ZMPSTE24: variants seen among roughly 807,000 people sequenced by gnomAD.
ZMPSTE24 encodes CAAX prenyl protease 1 homolog.
ZMPSTE24 carries 48 observed loss-of-function variants against 56.7 expected under a neutral mutation model. The ratio of observed to expected loss-of-function variants is 0.85; its 90% confidence interval spans 0.67 to 1.08. The LOEUF is 1.08. ZMPSTE24 is among the 50% of genes least tolerant of loss of function. The pLI, the probability that ZMPSTE24 is intolerant of heterozygous loss-of-function variation, is 0.00. For missense variants in ZMPSTE24, 503 were observed against 548.7 expected (o/e 0.92, Z 0.83); for synonymous variants, 172 against 195.2 (o/e 0.88, Z 0.99).
chr1:40,279,470 C>G (rs1557778892), intron 6 of ZMPSTE24, among the ~76,000 whole-genome samples: 1 of 152,094 alleles, frequency 6.6e-6, no homozygotes, highest in African/African-American at 2.4e-5. Context: ...AATACGTTTG[C>G]TTATTTCTGT....
intron 2 of ZMPSTE24, among the ~76,000 whole-genome samples, chr1:40,264,227 A>G (rs1202045411): frequency 6.6e-6 from 1 of 152,194 alleles, no homozygotes; most frequent in Non-Finnish European, 1.5e-5. Flanking sequence ...GCAGCTACTC[A>G]GGAGGCTGAG....
At position 40,275,294 on chromosome 1, in the gene ZMPSTE24, C is replaced by T. The variant is rs1477761793; in HGVS notation, c.769+3259C>T. ...AAAAAAAAAAAAAAAAAAAGCCGGG[C>T]GTGGTGGCGGGCGCCTGTAGTCCCA... On this transcript the variant is annotated intron_variant, in intron 6 of 9. Transcript: ENST00000372759. Among the ~76,000 whole-genome samples, 5 of 140,586 alleles carry T rather than the reference C, an allele frequency of 3.6e-5. No homozygotes were observed. The East Asian group carries it at 6.2e-4, about 17-fold the overall frequency. The allele number at this position is 140,586 out of a possible 152,430, so 92.2% of individuals were successfully genotyped here. A position where few individuals can be genotyped will look rare whatever the true frequency, so the allele number is the denominator to read the frequency against.
At chr1:40,261,075 G>T (rs1643492452) in intron 2 of ZMPSTE24, 90 bp downstream of exon 2, 1 of 1,487,656 alleles carries the variant, frequency 6.7e-7, no homozygotes, top group Admixed American at 1.7e-5. Context: ...ACACTTACAA[G>T]TCCCAGAATG....
chr1:40,264,633 C>T (rs952438813), intron 2 of ZMPSTE24, among the ~76,000 whole-genome samples: 5 of 151,772 alleles, frequency 3.3e-5, no homozygotes, highest in African/African-American at 1.2e-4. Flanking sequence ...CATAGCACTT[C>T]GAGAGGCTCA....
chr1:40,281,659 T>TAAA, intron 7 of ZMPSTE24, 132 bp downstream of exon 7: 1 of 929,638 alleles, frequency 1.1e-6, no homozygotes, highest in Non-Finnish European at 1.7e-6. Context: ...CCATGGCTCC[T>TAAA]TTATAGTTCT....
Position 40,292,637 on chromosome 1 carries a change from C to A in ZMPSTE24, c.1396C>A (p.Leu466Ile). 1 of 1,614,054 alleles carries A rather than the reference C, an allele frequency of 6.2e-7. No homozygotes were observed. The highest frequency in any genetic ancestry group is 1.6e-4 in the Middle Eastern group (1 of 6,062). The change falls in exon 10 of 10, where the codon CTT becomes ATT. Residue 466 changes from leucine to isoleucine, a missense_variant. By Grantham distance (5) the Leu-to-Ile change is conservative (BLOSUM62 2). Transcript: ENST00000372759. The part of the protein sequence containing the change: ...HYSHPPLLER[L>I]QALKTMKQH Reference sequence around the variant, plus strand: ...TTCTCATCCTCCACTGCTAGAGAGACTTCAAGCTTTGAAAACTATGAAGCA... The same window carrying A: ...TTCTCATCCTCCACTGCTAGAGAGAATTCAAGCTTTGAAAACTATGAAGCA...
intron 2 of ZMPSTE24, among the ~76,000 whole-genome samples, chr1:40,261,988 C>T (rs1335131287): frequency 6.6e-6 from 1 of 152,212 alleles, no homozygotes; most frequent in African/African-American, 2.4e-5. Context: ...GGATTACAGT[C>T]ATGAGCCACT....
intron 1 of ZMPSTE24, 42 bp from the exon 2 acceptor site, chr1:40,260,797 A>G: frequency 6.3e-7 from 1 of 1,592,460 alleles, no homozygotes; most frequent in Non-Finnish European, 8.6e-7. Flanking sequence ...CTATTGTAAT[A>G]AACAACTATT....
chr1:40,264,842 G>C (rs1470785153), intron 2 of ZMPSTE24, among the ~76,000 whole-genome samples: 1 of 136,264 alleles, frequency 7.3e-6, no homozygotes, highest in Non-Finnish European at 1.5e-5. Flanking sequence ...TCACACTGCT[G>C]TACCCCCGCC....
intron 7 of ZMPSTE24, among the ~76,000 whole-genome samples, chr1:40,285,520 G>A (rs1245704715): frequency 9.9e-5 from 15 of 152,154 alleles, no homozygotes; most frequent in East Asian, 7.7e-4. Context: ...GATTACAGGC[G>A]TGAGCCACTG....
At position 40,285,894 on chromosome 1, in the gene ZMPSTE24, A is replaced by C. The variant is rs369099165; in HGVS notation, c.955-31A>C. 61 of 1,571,886 alleles carry C rather than the reference A, an allele frequency of 3.9e-5. 1 individual carries two copies. The African/African-American group carries it at 6.8e-4, about 18-fold the overall frequency. ...AAGATAAAACTTTTTAAAGGTTCTCAATAATTTATTTTTGATTTTTTTTTA... is the reference window on the plus strand; with the variant it reads ...AAGATAAAACTTTTTAAAGGTTCTCCATAATTTATTTTTGATTTTTTTTTA... On this transcript the variant is annotated intron_variant, in intron 7 of 9. Coordinates refer to ENST00000372759, the MANE Select transcript of ZMPSTE24 (RefSeq NM_005857.5).
At chr1:40,267,555 G>A (rs543603871) in intron 2 of ZMPSTE24, among the ~76,000 whole-genome samples, 1 of 147,916 alleles carries the variant, frequency 6.8e-6, no homozygotes, top group East Asian at 1.9e-4. Flanking sequence ...TGTAGAGATG[G>A]GGTCTCAACT....
At chr1:40,279,249 A>G (rs1643703075) in intron 6 of ZMPSTE24, among the ~76,000 whole-genome samples, 1 of 152,248 alleles carries the variant, frequency 6.6e-6, no homozygotes, top group Admixed American at 6.5e-5. Flanking sequence ...ACAAAAATCT[A>G]TAATTTTAGA....
At chr1:40,281,217 T>G (rs1643725492) in intron 6 of ZMPSTE24, 126 bp from the exon 7 acceptor site, 1 of 977,080 alleles carries the variant, frequency 1.0e-6, no homozygotes, top group Non-Finnish European at 1.6e-6. Flanking sequence ...TGATATGATT[T>G]TTCTTCACAT....
intron 6 of ZMPSTE24, among the ~76,000 whole-genome samples, chr1:40,280,043 A>G (rs1643712013): frequency 6.6e-6 from 1 of 152,180 alleles, no homozygotes; most frequent in Non-Finnish European, 1.5e-5. Flanking sequence ...CGACACTTCA[A>G]AACAATGATT....
intron 7 of ZMPSTE24, among the ~76,000 whole-genome samples, chr1:40,283,092 A>C (rs1311060428): frequency 6.6e-6 from 1 of 152,226 alleles, no homozygotes; most frequent in East Asian, 1.9e-4. Context: ...ACGTAGATGA[A>C]ATAAAATTCT....
intron 6 of ZMPSTE24, among the ~76,000 whole-genome samples, chr1:40,274,425 C>A (rs1208580577): frequency 6.6e-6 from 1 of 152,176 alleles, no homozygotes; most frequent in Non-Finnish European, 1.5e-5. Context: ...TGCTATGCAG[C>A]AAATTAAACT....
At chr1:40,258,795 G>A (rs895871067) in intron 1 of ZMPSTE24, among the ~76,000 whole-genome samples, 2 of 152,062 alleles carry the variant, frequency 1.3e-5, no homozygotes, top group Non-Finnish European at 2.9e-5. Flanking sequence ...GTCCTTCCAA[G>A]AACTTGCACT....
chr1:40,282,416 C>T (rs1643740024), intron 7 of ZMPSTE24, among the ~76,000 whole-genome samples: 1 of 152,138 alleles, frequency 6.6e-6, no homozygotes, highest in African/African-American at 2.4e-5. Flanking sequence ...ATGGAATGTG[C>T]CATTGCCTTT....
Sources: gnomAD v4.1 joint callset for allele counts (sites outside exome capture counted in the v4.1 genomes callset) on GRCh38, gnomAD v4.1.1 for gene constraint, MANE v1.5 for transcripts, NCBI Gene and HGNC (gene_info 2026-07-23, HGNC 2026-07-21) for gene names.